The following GID8 variants were observed in gnomAD, a reference collection of about 807,000 sequenced individuals.
GID8 encodes the protein GID complex subunit 8 homolog, also known as glucose-induced degradation protein 8 homolog.
GID8 carries 6 observed loss-of-function variants against 27.4 expected under a neutral mutation model. The ratio of observed to expected loss-of-function variants is 0.22; its 90% confidence interval spans 0.12 to 0.43. GID8 has a LOEUF of 0.43. GID8 is among the 20% of genes least tolerant of loss of function. The pLI, the probability that GID8 is intolerant of heterozygous loss-of-function variation, is 1.00. For missense variants in GID8, 173 were observed against 287.6 expected (o/e 0.60, Z 2.88); for synonymous variants, 112 against 109.0 (o/e 1.03, Z -0.17).
chr20:62,943,422 G>T lies in GID8; in HGVS notation c.316-73G>T. 7.3e-7 allele frequency: 1 copy of T among 1,361,170 alleles called. No individual in the cohort carries two copies. The highest frequency in any genetic ancestry group is 1.0e-6 in the Non-Finnish European group (1 of 958,674). The allele number at this position is 1,361,170 out of a possible 1,614,324, so 84.3% of individuals were successfully genotyped here. A position where few individuals can be genotyped will look rare whatever the true frequency, so the allele number is the denominator to read the frequency against. ...TCCCTCTGTGATGTACTTTTGATTG[G>T]GACCTGGTACCACCTGCCCTAAGTC... On this transcript the variant is annotated intron_variant, in intron 3 of 4. Transcript: ENST00000266069. The surrounding 1 kb of genome is among the most constrained non-coding windows in gnomAD (Gnocchi z 4.7).
chr20:62,941,602 A>G lies in GID8; in HGVS notation c.100A>G (p.Met34Val). The G allele has an allele frequency of 1.9e-6, 3 of 1,587,356 alleles. No homozygotes were observed. The highest frequency in any genetic ancestry group is 2.6e-6 in the Non-Finnish European group (3 of 1,155,504). ...GAGAGCAGACATGAACCGCCTCATC[A>G]TGAACTACCTGGTCACAGGTAATGG... The part of the protein sequence containing the change: ...VQRADMNRLI[M>V]NYLVTEGFKE... Residue 34 changes from methionine (M) to valine (V), a missense_variant, in exon 2 of 5, where the codon ATG becomes GTG. Transcript: ENST00000266069.
At position 62,943,458 on chromosome 20, in the gene GID8, G is replaced by C; in HGVS notation, c.316-37G>C. On this transcript the variant is annotated intron_variant, in intron 3 of 4. Transcript: ENST00000266069. This position sits in a 1 kb window ranked among gnomAD's most constrained non-coding sequence, Gnocchi z 4.7. ...CACCTGCCCTAAGTCCCTGGCCTGG[G>C]TGTGTGGGGGTCAAGCTTGTCTGTC... 6.3e-7 allele frequency: 1 copy of C among 1,591,306 alleles called. No homozygotes were observed. The highest frequency in any genetic ancestry group is 8.6e-7 in the Non-Finnish European group (1 of 1,161,750).
In GID8 at chr20:62,946,738, G is replaced by C. The variant is rs1401941020; in HGVS notation, c.*1826G>C. 1 of 152,178 alleles carries C rather than the reference G, an allele frequency of 6.6e-6. No homozygotes were observed. Among genetic ancestry groups the C allele is most frequent in the African/African-American group, 2.4e-5 (1 of 41,420 alleles). 9.4% of individuals were successfully genotyped at this position (152,178 alleles called of 1,614,324 possible). Reference sequence around the variant, plus strand: ...TGCGATTATTTCCTCTGAGGTTTGAGGATGAAGATAAGTTGGAGGGAAAGA... The same window carrying C: ...TGCGATTATTTCCTCTGAGGTTTGACGATGAAGATAAGTTGGAGGGAAAGA... On this transcript the variant is annotated 3_prime_UTR_variant, in exon 5 of 5. Transcript: ENST00000266069.
rs545247363 is a variant in GID8 at position 62,946,717 on chromosome 20, A to G, written c.*1805A>G. 1.3e-5 allele frequency: 2 copies of G among 152,284 alleles called. No homozygotes were observed. The highest frequency in any genetic ancestry group is 6.5e-5 in the Admixed American group (1 of 15,290). 9.4% of individuals were successfully genotyped at this position (152,284 alleles called of 1,614,324 possible). A position where few individuals can be genotyped will look rare whatever the true frequency, so the allele number is the denominator to read the frequency against. On this transcript the variant is annotated 3_prime_UTR_variant, in exon 5 of 5. Transcript: ENST00000266069. ...CACTCTCCCAGATGTGACCCTTGCG[A>G]TTATTTCCTCTGAGGTTTGAGGATG...
chr20:62,940,304 C>T (rs1444432928), intron 1 of GID8, among the ~76,000 whole-genome samples: 2 of 151,290 alleles, frequency 1.3e-5, no homozygotes, highest in African/African-American at 2.4e-5. Context: ...CCTACCTCAG[C>T]CTCCCGAGTA....
chr20:62,942,983 T>A lies in GID8; in HGVS notation c.119-4T>A, dbSNP rs576434209. ...CTAGCAGTGAAGATGGTTTTTCTAT[T>A]CAGAGGGCTTTAAGGAAGCAGCGGA... On this transcript the variant is annotated splice_polypyrimidine_tract_variant and splice_region_variant and intron_variant, in intron 2 of 4. Coordinates refer to ENST00000266069, the MANE Select transcript of GID8 (RefSeq NM_017896.3). 76 of 1,608,282 alleles carry A rather than the reference T, an allele frequency of 4.7e-5. 1 individual carries two copies. The South Asian group carries it at 8.0e-4, about 17-fold the overall frequency.
In GID8 at chr20:62,944,703, G is replaced by T. The variant is rs564173060; in HGVS notation, c.514-36G>T. 7.9e-5 allele frequency: 113 copies of T among 1,421,722 alleles called. No homozygotes were observed. The South Asian group carries it at 1.2e-3, about 15-fold the overall frequency. 88.1% of individuals were successfully genotyped at this position (1,421,722 alleles called of 1,614,324 possible). On this transcript the variant is annotated intron_variant, in intron 4 of 4. Transcript: ENST00000266069. ...AATAGACTCTGCTGGTGCTCTGCGT[G>T]TATGGTGGTTTTTATCAGATGTATT...
Position 62,943,427 on chromosome 20 carries a change from TG to T in GID8, c.316-66del. Reference sequence around the variant, plus strand: ...CTGTGATGTACTTTTGATTGGGACCTGGTACCACCTGCCCTAAGTCCCTGGC... The same window carrying T: ...CTGTGATGTACTTTTGATTGGGACCTGTACCACCTGCCCTAAGTCCCTGGC... On this transcript the variant is annotated intron_variant, in intron 3 of 4. Coordinates refer to ENST00000266069, the MANE Select transcript of GID8 (RefSeq NM_017896.3). The surrounding 1 kb of genome is among the most constrained non-coding windows in gnomAD (Gnocchi z 4.7). The T allele has an allele frequency of 7.2e-7, 1 of 1,395,730 alleles. No individual in the cohort carries two copies. The highest frequency in any genetic ancestry group is 1.0e-6 in the Non-Finnish European group (1 of 988,010). The allele number at this position is 1,395,730 out of a possible 1,614,324, so 86.5% of individuals were successfully genotyped here. A position where few individuals can be genotyped will look rare whatever the true frequency, so the allele number is the denominator to read the frequency against.
Position 62,947,730 on chromosome 20 carries a change from G to A in GID8, c.*2818G>A, listed in dbSNP as rs2065472306. On this transcript the variant is annotated 3_prime_UTR_variant, in exon 5 of 5. Transcript: ENST00000266069. ...CTCCATGGCACATGACTGAAGACTG[G>A]TGGTCGTGTGTGTGCGGAGTCCACG... The A allele has an allele frequency of 6.6e-6, 1 of 152,242 alleles. No individual in the cohort carries two copies. Among genetic ancestry groups the A allele is most frequent in the Non-Finnish European group, 1.5e-5 (1 of 68,054 alleles). 9.4% of individuals were successfully genotyped at this position (152,242 alleles called of 1,614,324 possible).
In GID8 at chr20:62,943,553, C is replaced by T; in HGVS notation, c.374C>T (p.Ala125Val). 1.2e-6 allele frequency: 2 copies of T among 1,613,378 alleles called. No homozygotes were observed. The highest frequency in any genetic ancestry group is 1.7e-6 in the Non-Finnish European group (2 of 1,180,000). Residue 125 changes from alanine (A) to valine (V), a missense_variant, in exon 4 of 5, where the codon GCA becomes GTA. Transcript: ENST00000266069. The surrounding 1 kb of genome is among the most constrained non-coding windows in gnomAD (Gnocchi z 4.7). ...GAGACAGAGGCGGCGCTGGAGTTTGCACAGACTCAGCTGGCGGAGCAGGGC... is the reference window on the plus strand; with the variant it reads ...GAGACAGAGGCGGCGCTGGAGTTTGTACAGACTCAGCTGGCGGAGCAGGGC... ...QRETEAALEF[A>V]QTQLAEQGEE... is the part of the protein sequence containing the mutation.
Position 62,945,316 on chromosome 20 carries a change from C to A in GID8, c.*404C>A, listed in dbSNP as rs1031116790. The A allele has an allele frequency of 9.5e-5, 95 of 997,762 alleles. No homozygotes were observed. The African/African-American group carries it at 1.6e-3, about 17-fold the overall frequency. The allele number at this position is 997,762 out of a possible 1,614,324, so 61.8% of individuals were successfully genotyped here. A position where few individuals can be genotyped will look rare whatever the true frequency, so the allele number is the denominator to read the frequency against. On this transcript the variant is annotated 3_prime_UTR_variant, in exon 5 of 5. Coordinates refer to ENST00000266069, the MANE Select transcript of GID8 (RefSeq NM_017896.3). ...TCTGTTAGCTTAGGCAGACATTGGG[C>A]CTTCACCTACAAGTTTTTCCTTACC... is the stretch of plus-strand genomic sequence containing the variant.
Position 62,947,413 on chromosome 20 carries a change from A to G in GID8, c.*2501A>G, listed in dbSNP as rs1192372256. On this transcript the variant is annotated 3_prime_UTR_variant, in exon 5 of 5. Coordinates refer to ENST00000266069, the MANE Select transcript of GID8 (RefSeq NM_017896.3). ...CTTTGGGATAATGAACATTCAGTAT[A>G]ATTCTACTTTGTCTCATTTTGGATC... is the stretch of plus-strand genomic sequence containing the variant. 6.6e-6 allele frequency: 1 copy of G among 152,488 alleles called. No individual in the cohort carries two copies. The highest frequency in any genetic ancestry group is 1.9e-4 in the East Asian group (1 of 5,202). 9.4% of individuals were successfully genotyped at this position (152,488 alleles called of 1,614,324 possible).
At chr20:62,939,999 CT>C (rs1462304386) in intron 1 of GID8, among the ~76,000 whole-genome samples, 12 of 152,102 alleles carry the variant, frequency 7.9e-5, no homozygotes, top group Non-Finnish European at 1.2e-4. Flanking sequence ...CCATTTGCCC[CT>C]CCCACAGGTA....
At position 62,946,948 on chromosome 20, in the gene GID8, A is replaced by G. The variant is rs2065469133; in HGVS notation, c.*2036A>G. ...ATCATCAATTTGACATATTCTTAAA[A>G]CTAGAGGGTGTGAGAAGCACAGCAA... On this transcript the variant is annotated 3_prime_UTR_variant, in exon 5 of 5. Transcript: ENST00000266069. The G allele has an allele frequency of 6.6e-6, 1 of 152,228 alleles. No homozygotes were observed. Among genetic ancestry groups the G allele is most frequent in the Admixed American group, 6.5e-5 (1 of 15,286 alleles). 9.4% of individuals were successfully genotyped at this position (152,228 alleles called of 1,614,324 possible).
At position 62,945,977 on chromosome 20, in the gene GID8, GGTGGGCAGGAGGGAA is replaced by G. The variant is rs1277650398; in HGVS notation, c.*1070_*1084del. ...CTCACAGAACTGTCCCCTGCTCCGT[GGTGGGCAGGAGGGAA>G]GTGGTGCAGGGCTGCGTGCATTGCC... On this transcript the variant is annotated 3_prime_UTR_variant, in exon 5 of 5. Coordinates refer to ENST00000266069, the MANE Select transcript of GID8 (RefSeq NM_017896.3). 1 of 1,289,322 alleles carries G rather than the reference GGTGGGCAGGAGGGAA, an allele frequency of 7.8e-7. No homozygotes were observed. The highest frequency in any genetic ancestry group is 1.0e-6 in the Non-Finnish European group (1 of 988,850). 79.9% of individuals were successfully genotyped at this position (1,289,322 alleles called of 1,614,324 possible).
Position 62,944,781 on chromosome 20 carries a change from C to T in GID8, c.556C>T (p.Arg186Cys), listed in dbSNP as rs772878499. 7.4e-6 allele frequency: 12 copies of T among 1,614,058 alleles called. 1 individual carries two copies. The South Asian group carries it at 8.8e-5, about 12-fold the overall frequency. Reference protein sequence around the residue: ...VNQAVLDYENRESTPKLAKLL... With the variant: ...VNQAVLDYENCESTPKLAKLL... ...CCAAGCTGTGCTAGATTATGAAAAT[C>T]GCGAGTCAACACCCAAACTGGCAAA... The change falls in exon 5 of 5, where the codon CGC becomes TGC. Residue 186 changes from arginine (R) to cysteine (C), a missense_variant. Coordinates refer to ENST00000266069, the MANE Select transcript of GID8 (RefSeq NM_017896.3).
In GID8 at chr20:62,943,217, A is replaced by G; in HGVS notation, c.315+34A>G. 1 of 1,463,038 alleles carries G rather than the reference A, an allele frequency of 6.8e-7. No individual in the cohort carries two copies. The highest frequency in any genetic ancestry group is 9.5e-7 in the Non-Finnish European group (1 of 1,055,436). The allele number at this position is 1,463,038 out of a possible 1,614,324, so 90.6% of individuals were successfully genotyped here. A position where few individuals can be genotyped will look rare whatever the true frequency, so the allele number is the denominator to read the frequency against. ...CAGGAGAGAGTAGTCTGGTTTGTGA[A>G]TACTTGATAAGTTAAAGTTATTTGC... is the stretch of plus-strand genomic sequence containing the variant. On this transcript the variant is annotated intron_variant, in intron 3 of 4. Transcript: ENST00000266069. The surrounding 1 kb of genome is among the most constrained non-coding windows in gnomAD (Gnocchi z 4.7).
In GID8 at chr20:62,945,649, C is replaced by T. The variant is rs185188757; in HGVS notation, c.*737C>T. On this transcript the variant is annotated 3_prime_UTR_variant, in exon 5 of 5. Transcript: ENST00000266069. ...TGATTTCAAGAATGACCAAAATGGC[C>T]TCTAAAAGATGTTAATCATCTCAAA... is the stretch of plus-strand genomic sequence containing the variant. 6.9e-5 allele frequency: 81 copies of T among 1,174,402 alleles called. No individual in the cohort carries two copies. The highest frequency in any genetic ancestry group is 3.9e-4 in the Middle Eastern group (1 of 2,538). The allele number at this position is 1,174,402 out of a possible 1,614,324, so 72.7% of individuals were successfully genotyped here. A position where few individuals can be genotyped will look rare whatever the true frequency, so the allele number is the denominator to read the frequency against.
At position 62,948,193 on chromosome 20, in the gene GID8, T is replaced by C. The variant is rs2065474345; in HGVS notation, c.*3281T>C. On this transcript the variant is annotated 3_prime_UTR_variant, in exon 5 of 5. Transcript: ENST00000266069. ...GTAACTGCTGCTCTGTTAACTGTTC[T>C]ATTCTGATACTACGCGTGTTGTTTT... The C allele has an allele frequency of 6.6e-6, 1 of 152,278 alleles. No individual in the cohort carries two copies. Among genetic ancestry groups the C allele is most frequent in the Non-Finnish European group, 1.5e-5 (1 of 68,044 alleles). 9.4% of individuals were successfully genotyped at this position (152,278 alleles called of 1,614,324 possible).
Sources: gnomAD v4.1 joint callset for allele counts (sites outside exome capture counted in the v4.1 genomes callset) on GRCh38, gnomAD v4.1.1 for gene constraint, Gnocchi (gnomAD v3.1) non-coding constraint, MANE v1.5 for transcripts, NCBI Gene and HGNC (gene_info 2026-07-23, HGNC 2026-07-21) for gene names.